PRICKLE1: variants seen among roughly 807,000 people sequenced by gnomAD.
PRICKLE1 encodes the protein prickle planar cell polarity protein 1.
Under a neutral mutation model 70.2 loss-of-function variants are expected in PRICKLE1, and 14 were observed. The observed-to-expected ratio is 0.20, with a 90% CI of 0.13 to 0.31. PRICKLE1 has a LOEUF of 0.31. Among genes scored for constraint, PRICKLE1 ranks in the 10% least tolerant of loss-of-function variants. The probability of loss-of-function intolerance (pLI) is 1.00; values close to 1 mark genes in which losing one functional copy is unlikely to be tolerated. For missense variants in PRICKLE1, 821 were observed against 1,026.2 expected (o/e 0.80, Z 2.73); for synonymous variants, 357 against 379.9 (o/e 0.94, Z 0.70).
At chr12:42,512,971 T>A (rs1014071021) in intron 1 of PRICKLE1, among the ~76,000 whole-genome samples, 16 of 151,878 alleles carry the variant, frequency 1.1e-4, no homozygotes, top group Non-Finnish European at 4.4e-5. Context: ...TTATTATTAT[T>A]ATTGTTATTT....
At chr12:42,486,242 C>T (rs1391911867) in intron 1 of PRICKLE1, among the ~76,000 whole-genome samples, 2 of 152,232 alleles carry the variant, frequency 1.3e-5, no homozygotes. Flanking sequence ...CTGCAAAGCA[C>T]TTAGCATTGC....
intron 1 of PRICKLE1, among the ~76,000 whole-genome samples, chr12:42,563,935 AC>A (rs1038325698): frequency 2.6e-5 from 4 of 152,052 alleles, no homozygotes; most frequent in African/African-American, 9.7e-5. Flanking sequence ...CATCAAAAAA[AC>A]TTATGCCATC....
chr12:42,524,739 A>G (rs563169726), intron 1 of PRICKLE1: 1 of 152,312 alleles, frequency 6.6e-6, no homozygotes, highest in South Asian at 2.1e-4. Flanking sequence ...ACATTTATTT[A>G]AAAATCCCTG....
chr12:42,585,703 A>T (rs1940975980), intron 1 of PRICKLE1, among the ~76,000 whole-genome samples: 1 of 152,206 alleles, frequency 6.6e-6, no homozygotes. Flanking sequence ...CAGCTTACTC[A>T]GATTCCCCAT....
chr12:42,502,929 G>A (rs955446692), intron 1 of PRICKLE1, among the ~76,000 whole-genome samples: 1 of 152,176 alleles, frequency 6.6e-6, no homozygotes, highest in Admixed American at 6.5e-5. Context: ...TTGCAGTTAA[G>A]CTGAAATTAA....
chr12:42,480,663 C>T (rs1451015871), intron 1 of PRICKLE1, among the ~76,000 whole-genome samples: 1 of 152,168 alleles, frequency 6.6e-6, no homozygotes, highest in African/African-American at 2.4e-5. Flanking sequence ...TTGACATATA[C>T]ATAAATGAGC....
intron 1 of PRICKLE1, among the ~76,000 whole-genome samples, chr12:42,571,505 A>C (rs1462408044): frequency 1.3e-5 from 2 of 152,172 alleles, no homozygotes; most frequent in Non-Finnish European, 2.9e-5. Flanking sequence ...GTCTGCAGGC[A>C]GTTTTGGGGT....
chr12:42,462,648 G>A (rs1251280476), intron 7 of PRICKLE1, among the ~76,000 whole-genome samples: 1 of 152,152 alleles, frequency 6.6e-6, no homozygotes, highest in Non-Finnish European at 1.5e-5. Context: ...GAAGCCGGGG[G>A]GGTAGCTTTG....
At chr12:42,551,291 G>A (rs1026833636) in intron 1 of PRICKLE1, among the ~76,000 whole-genome samples, 1 of 152,138 alleles carries the variant, frequency 6.6e-6, no homozygotes, top group African/African-American at 2.4e-5. Flanking sequence ...AAATAAAGAT[G>A]GAGAAATAAA....
chr12:42,488,268 A>G (rs908359273), intron 1 of PRICKLE1, among the ~76,000 whole-genome samples: 1 of 152,136 alleles, frequency 6.6e-6, no homozygotes, highest in African/African-American at 2.4e-5. Context: ...GCTGATTATG[A>G]CACTAATACC....
intron 1 of PRICKLE1, among the ~76,000 whole-genome samples, chr12:42,520,187 G>C (rs943050872): frequency 6.6e-6 from 1 of 152,222 alleles, no homozygotes; most frequent in Non-Finnish European, 1.5e-5. Context: ...CAGGCCACCA[G>C]ATCTGTGGTG....
chr12:42,477,482 GTATATATATATATATA>G (rs139988285), intron 1 of PRICKLE1, among the ~76,000 whole-genome samples: 2,259 of 116,362 alleles, frequency 0.019, 63 homozygotes, highest in Non-Finnish European at 0.03. Flanking sequence ...GTGTGTGTGT[GTATATATATATATATA>G]TATATATATA....
At chr12:42,527,117 TTTTTTTTCCTC>T (rs1159255040) in intron 1 of PRICKLE1, among the ~76,000 whole-genome samples, 1 of 138,096 alleles carries the variant, frequency 7.2e-6, no homozygotes. Flanking sequence ...TGCTTTCTTT[TTTTTTTTCCTC>T]TTTTTTTTTT....
intron 1 of PRICKLE1, among the ~76,000 whole-genome samples, chr12:42,566,084 G>A (rs1188135444): frequency 6.6e-6 from 1 of 152,182 alleles, no homozygotes; most frequent in African/African-American, 2.4e-5. Context: ...GCTGTGGAGG[G>A]CTCTTAGTAG....
At chr12:42,580,752 C>T (rs1026395020) in intron 1 of PRICKLE1, among the ~76,000 whole-genome samples, 2 of 152,166 alleles carry the variant, frequency 1.3e-5, no homozygotes, top group Admixed American at 1.3e-4. Flanking sequence ...AGCATCTACT[C>T]ACAGGCACAG....
intron 1 of PRICKLE1, among the ~76,000 whole-genome samples, chr12:42,529,345 A>G (rs2120532963): frequency 6.6e-6 from 1 of 152,376 alleles, no homozygotes; most frequent in East Asian, 1.9e-4. Flanking sequence ...AATTATGTAG[A>G]CAGGGTAAAA....
chr12:42,478,275 A>G lies in PRICKLE1; in HGVS notation c.-48-5711T>C, dbSNP rs189633483. ...TTAAAATGCTGTAGCAAACTTAATC[A>G]TAAATGAATGTCAACTATGCATTAA... On this transcript the variant is annotated intron_variant, in intron 1 of 7. Transcript: ENST00000345127. Among the ~76,000 whole-genome samples, 6 of 152,354 alleles carry G rather than the reference A, an allele frequency of 3.9e-5. No individual in the cohort carries two copies. In the East Asian group the frequency reaches 9.6e-4, roughly 24 times the overall value.
At chr12:42,529,746 A>AT (rs1213737669) in intron 1 of PRICKLE1, among the ~76,000 whole-genome samples, 4 of 152,176 alleles carry the variant, frequency 2.6e-5, no homozygotes, top group Admixed American at 2.6e-4. Context: ...AATACAAAAA[A>AT]TTAGCCAGGT....
chr12:42,488,135 C>G (rs1203553911), intron 1 of PRICKLE1, among the ~76,000 whole-genome samples: 1 of 152,210 alleles, frequency 6.6e-6, no homozygotes, highest in African/African-American at 2.4e-5. Flanking sequence ...CCTCCTGACA[C>G]TCTCCCACAA....
Sources: gnomAD v4.1 joint callset for allele counts (sites outside exome capture counted in the v4.1 genomes callset) on GRCh38, gnomAD v4.1.1 for gene constraint, MANE v1.5 for transcripts, NCBI Gene and HGNC (gene_info 2026-07-23, HGNC 2026-07-21) for gene names.